PLOD3: variants seen among roughly 807,000 people sequenced by gnomAD.
PLOD3 encodes the protein multifunctional procollagen lysine hydroxylase and glycosyltransferase LH3.
PLOD3 carries 73 observed loss-of-function variants against 96.9 expected under a neutral mutation model. The ratio of observed to expected loss-of-function variants is 0.75; its 90% CI spans 0.62 to 0.92. PLOD3 has a LOEUF of 0.92. Among genes scored for constraint, PLOD3 ranks in the 40% least tolerant of loss-of-function variants. The pLI is 0.00. For missense variants in PLOD3, 1,004 were observed against 1,004.3 expected (o/e 1.00, Z 0.00); for synonymous variants, 454 against 413.7 (o/e 1.10, Z -1.18).
intron 5 of PLOD3, 131 bp from the exon 6 acceptor site, chr7:101,215,283 A>G: frequency 1.3e-6 from 1 of 757,708 alleles, no homozygotes. Flanking sequence ...GCACGATCTC[A>G]GCTCACTGCA....
rs963805041 is a variant in PLOD3, at chr7:101,206,059, T to C, written c.*222A>G. On this transcript the variant is annotated 3_prime_UTR_variant, in exon 19 of 19. Transcript: ENST00000223127. ...TCACGCGGGGAGTCCCCAGAAGCCC[T>C]GTGCCCACGAACCCCTGTGGGCGGA... 9 of 623,738 alleles carry C rather than the reference T, an allele frequency of 1.4e-5. No homozygotes were observed. In the African/African-American group the frequency reaches 1.7e-4, roughly 11 times the overall value. The allele number at this position is 623,738 out of a possible 1,614,324, so 38.6% of individuals were successfully genotyped here.
rs530502520 is a variant in PLOD3, at chr7:101,206,133, G to C, written c.*148C>G. On this transcript the variant is annotated 3_prime_UTR_variant, in exon 19 of 19. Coordinates refer to ENST00000223127, the MANE Select transcript of PLOD3 (RefSeq NM_001084.5). The stretch of plus-strand genomic sequence containing the variant: ...GCTTCCTGAGAGGGCCGTGTCTTGG[G>C]AGCAAGGTGACATATTCAGTTCAGG... The C allele has an allele frequency of 7.9e-6, 7 of 888,760 alleles. No individual in the cohort carries two copies. The Admixed American group carries it at 1.0e-4, about 13-fold the overall frequency. 55.1% of individuals were successfully genotyped at this position (888,760 alleles called of 1,614,324 possible).
In PLOD3 at chr7:101,216,440, C is replaced by T. The variant is rs147622037; in HGVS notation, c.308G>A (p.Arg103Gln). The T allele has an allele frequency of 1.4e-4, 225 of 1,614,050 alleles. 3 individuals carry two copies. In the South Asian group the frequency reaches 1.7e-3, roughly 12 times the overall value. Residue 103 changes from arginine to glutamine, a missense_variant, in exon 3 of 19, where the codon CGG (arginine) becomes CAG (glutamine). Transcript: ENST00000223127. ...CACAAACATGATGATCATATCCTCC[C>T]GGTCAGCGTATTTCTCCATTTCCTT... ...LKKEMEKYADREDMIIMFVDS... is the reference protein window; with the variant it reads ...LKKEMEKYADQEDMIIMFVDS...
intron 15 of PLOD3, among the ~76,000 whole-genome samples, chr7:101,209,555 T>G (rs976836348): frequency 1.9e-4 from 19 of 102,300 alleles, no homozygotes; most frequent in African/African-American, 2.3e-4. Context: ...TTTTTGTGTT[T>G]TTTTTTTTTT....
intron 16 of PLOD3, 108 bp downstream of exon 16, chr7:101,208,745 C>T: frequency 1.3e-6 from 1 of 759,226 alleles, no homozygotes; most frequent in Non-Finnish European, 2.3e-6. Flanking sequence ...TCTGCCTCCC[C>T]CCTGGGAACC....
In PLOD3 at chr7:101,206,391, GGGA is replaced by G. The variant is rs777198969; in HGVS notation, c.2104_2106del (p.Ser702del). The G allele has an allele frequency of 3.1e-6, 5 of 1,613,598 alleles. No homozygotes were observed. Among genetic ancestry groups the G allele is most frequent in the East Asian group, 4.5e-5 (2 of 44,876 alleles). ...TGCAGGAGTGCCCAGCCCTTCCTCG[GGGA>G]GGAGATCACACAGTCGTAGCGCAGG... On this transcript the variant is annotated inframe_deletion, in exon 19 of 19. Coordinates refer to ENST00000223127, the MANE Select transcript of PLOD3 (RefSeq NM_001084.5).
rs770545398 is a variant in PLOD3 at position 101,207,587 on chromosome 7, G to A, written c.1926C>T (p.Tyr642=). 36 of 1,614,026 alleles carry A rather than the reference G, an allele frequency of 2.2e-5. 1 individual carries two copies. The South Asian group carries it at 4.0e-4, about 18-fold the overall frequency. ...CAGGTGGGCAGCGCACCTTGGTGTG[G>A]TAACCGGGAAACAGGCTCTCGGTCA... is the stretch of plus-strand genomic sequence containing the variant. The part of the protein sequence containing the change: ...GPMTESLFPG[Y]HTKARAVMNF... The change falls in exon 17 of 19, where the codon TAC becomes TAT. Residue 642 remains tyrosine, a synonymous_variant. Transcript: ENST00000223127.
chr7:101,208,809 T>A (rs1277020674), intron 16 of PLOD3, 44 bp downstream of exon 16: 1 of 1,253,704 alleles, frequency 8.0e-7, no homozygotes, highest in African/African-American at 1.5e-5. Context: ...ATCCTGCACC[T>A]CCTCCTCTGG....
chr7:101,213,093 A>G lies in PLOD3; in HGVS notation c.777+14T>C. On this transcript the variant is annotated intron_variant, in intron 7 of 18. Transcript: ENST00000223127. ...GGGGCAGGGCGGGGCGGGGGTTGAG[A>G]CCACTGGTGGCACCTTAGTGGGACC... 6.3e-7 allele frequency: 1 copy of G among 1,581,630 alleles called. No individual in the cohort carries two copies. Among genetic ancestry groups the G allele is most frequent in the Non-Finnish European group, 8.7e-7 (1 of 1,151,258 alleles).
rs1008989119 is a variant in PLOD3 at position 101,212,259 on chromosome 7, A to G, written c.1121T>C (p.Met374Thr). 1.2e-6 allele frequency: 2 copies of G among 1,612,900 alleles called. No individual in the cohort carries two copies. The highest frequency in any genetic ancestry group is 2.7e-5 in the African/African-American group (2 of 74,998). ...CCCGCAAGCACCCGCTCACATGGCC[A>G]TGTCCCTGGCCTCGCCTGGGCTCAG... ...EALSPGEARD[M>T]AMDLCRQDPE... is the part of the protein sequence containing the mutation. The change falls in exon 10 of 19, where the codon ATG (methionine) becomes ACG (threonine). Residue 374 changes from methionine to threonine, a missense_variant. Met to Thr is a moderately conservative substitution (Grantham distance 81, BLOSUM62 -1). Coordinates refer to ENST00000223127, the MANE Select transcript of PLOD3 (RefSeq NM_001084.5).
intron 15 of PLOD3, chr7:101,209,777 C>T (rs143083147): frequency 2.8e-5 from 8 of 289,506 alleles, no homozygotes; most frequent in Non-Finnish European, 4.5e-5. Flanking sequence ...CTGGCCTCAA[C>T]CGATCCACCC....
In PLOD3 at chr7:101,210,083, G is replaced by T; in HGVS notation, c.1683+10C>A. The T allele has an allele frequency of 1.9e-6, 3 of 1,574,752 alleles. No homozygotes were observed. The highest frequency in any genetic ancestry group is 2.6e-6 in the Non-Finnish European group (3 of 1,158,314). On this transcript the variant is annotated intron_variant, in intron 15 of 18. Coordinates refer to ENST00000223127, the MANE Select transcript of PLOD3 (RefSeq NM_001084.5). ...GGCAGGGGGTGGGTGGGGAGGCTGC[G>T]TGGGCTCACCTGCTCCACGATTCCT...
At chr7:101,210,782 G>A in intron 12 of PLOD3, 109 bp from the exon 13 acceptor site, 1 of 1,243,350 alleles carries the variant, frequency 8.0e-7, no homozygotes, top group Non-Finnish European at 1.1e-6. Flanking sequence ...CTGAACATAA[G>A]GCCCCTGCAT....
Position 101,215,097 on chromosome 7 carries a change from C to T in PLOD3, c.671G>A (p.Gly224Glu), listed in dbSNP as rs1190952337. 1.9e-6 allele frequency: 3 copies of T among 1,611,890 alleles called. No homozygotes were observed. The highest frequency in any genetic ancestry group is 1.3e-5 in the African/African-American group (1 of 74,918). The change falls in exon 6 of 19, where the codon GGG (glycine) becomes GAG (glutamate). Residue 224 changes from glycine to glutamate, a missense_variant. Gly to Glu is a moderately conservative substitution (Grantham distance 98, BLOSUM62 -2). Transcript: ENST00000223127. ...GCTGTCTTCCTCCTCACCTAAAGCC[C>T]CGTTGAGGTTCTGAAAGATCCGAGA... ...HKSRIFQNLN[G>E]ALDEVVLKFD... is the part of the protein sequence containing the mutation.
At chr7:101,216,389 C>G in intron 3 of PLOD3, 21 bp downstream of exon 3, 1 of 1,614,026 alleles carries the variant, frequency 6.2e-7, no homozygotes, top group Non-Finnish European at 8.5e-7. Flanking sequence ...TTACCCCGCT[C>G]CCTATCCCCA....
At position 101,212,536 on chromosome 7, in the gene PLOD3, G is replaced by A. The variant is rs753257787; in HGVS notation, c.999C>T (p.His333=). The change falls in exon 9 of 19, where the codon CAC becomes CAT. Residue 333 remains histidine, a synonymous_variant. Coordinates refer to ENST00000223127, the MANE Select transcript of PLOD3 (RefSeq NM_001084.5). ...TCCAACAGGGGAGTCTCACGTTGTT[G>A]TGCAGGAAAAGGGTGACCCTGTCGG... is the stretch of plus-strand genomic sequence containing the variant. ...YPPDRVTLFL[H]NNEVFHEPHI... is the part of the protein sequence containing the mutation. 5.6e-6 allele frequency: 9 copies of A among 1,613,836 alleles called. No homozygotes were observed. Among genetic ancestry groups the A allele is most frequent in the South Asian group, 1.1e-5 (1 of 91,070 alleles).
chr7:101,212,519 G>A lies in PLOD3; in HGVS notation c.1005+11C>T. On this transcript the variant is annotated intron_variant, in intron 9 of 18. Coordinates refer to ENST00000223127, the MANE Select transcript of PLOD3 (RefSeq NM_001084.5). Reference sequence around the variant, plus strand: ...GGTCCCTCAGGAGAGGCTCCAACAGGGGAGTCTCACGTTGTTGTGCAGGAA... The same window carrying A: ...GGTCCCTCAGGAGAGGCTCCAACAGAGGAGTCTCACGTTGTTGTGCAGGAA... 5 of 1,613,474 alleles carry A rather than the reference G, an allele frequency of 3.1e-6. No individual in the cohort carries two copies. Among genetic ancestry groups the A allele is most frequent in the Non-Finnish European group, 3.4e-6 (4 of 1,179,584 alleles).
At chr7:101,210,928 T>A (rs1031849763) in intron 12 of PLOD3, 18 of 480,326 alleles carry the variant, frequency 3.7e-5, no homozygotes, top group Non-Finnish European at 6.1e-5. Flanking sequence ...TCACCCAGGC[T>A]GGAATGCAGT....
In PLOD3 at chr7:101,213,506, GTTT is replaced by G. The variant is rs3988239; in HGVS notation, c.680-305_680-303del. On this transcript the variant is annotated intron_variant, in intron 6 of 18. Transcript: ENST00000223127. ...CCCTCCTCATATTCTCTCTCTCCTT[GTTT>G]TTTTTTTTTTTTATTTTTATTTTTT... The G allele has an allele frequency of 3.1e-3, 839 of 269,270 alleles. 3 individuals carry two copies. Among genetic ancestry groups the G allele is most frequent in the Admixed American group, 8.3e-3 (162 of 19,626 alleles). The allele number at this position is 269,270 out of a possible 1,614,324, so 16.7% of individuals were successfully genotyped here.
Sources: gnomAD v4.1 joint callset for allele counts (sites outside exome capture counted in the v4.1 genomes callset) on GRCh38, gnomAD v4.1.1 for gene constraint, MANE v1.5 for transcripts, NCBI Gene and HGNC (gene_info 2026-07-23, HGNC 2026-07-21) for gene names.